Variants in PABPC4 observed in about 807,000 individuals in gnomAD.
PABPC4 encodes the protein poly(A) binding protein cytoplasmic 4.
In PABPC4, 15 loss-of-function variants were observed where a neutral mutation model predicts 74.5. That is an observed-to-expected ratio of 0.20 (90% CI 0.13 to 0.31). The LOEUF is 0.31. Among genes scored for constraint, PABPC4 ranks in the 10% least tolerant of loss-of-function variants. The probability of loss-of-function intolerance (pLI) is 1.00; values close to 1 mark genes in which losing one functional copy is unlikely to be tolerated. For synonymous variants in PABPC4, 345 were observed against 303.0 expected (o/e 1.14, Z -1.44); for missense variants, 610 against 853.5 (o/e 0.71, Z 3.55).
intron 7 of PABPC4, among the ~76,000 whole-genome samples, chr1:39,567,043 G>C (rs1226803271): frequency 6.6e-6 from 1 of 152,072 alleles, no homozygotes; most frequent in Non-Finnish European, 1.5e-5. Context: ...CACCTGTTTA[G>C]CAAGACCGGC....
In PABPC4 at chr1:39,572,558, A is replaced by G. The variant is rs1645955794; in HGVS notation, c.222T>C (p.Phe74=). 1.2e-6 allele frequency: 2 copies of G among 1,614,154 alleles called. No individual in the cohort carries two copies. Among genetic ancestry groups the G allele is most frequent in the Middle Eastern group, 1.6e-4 (1 of 6,062 alleles). The change falls in exon 2 of 16, where the codon TTT becomes TTC. Residue 74 remains phenylalanine (F), a synonymous_variant. Transcript: ENST00000372858. ...GGATTGGCTTTCCCTTAATCACATC[A>G]AAGTTCATGGTGTCCAAAGCCCGCT... The part of the protein sequence containing the change: ...DAERALDTMN[F]DVIKGKPIRI...
intron 7 of PABPC4, 118 bp downstream of exon 7, chr1:39,567,633 C>T (rs1399334780): frequency 2.7e-5 from 19 of 709,824 alleles, no homozygotes; most frequent in Middle Eastern, 5.3e-4. Flanking sequence ...GCTAGAAAAA[C>T]GTAGTAGCTA....
Position 39,569,683 on chromosome 1 carries a change from G to T in PABPC4, c.650C>A (p.Thr217Asn). 2 of 1,612,968 alleles carry T rather than the reference G, an allele frequency of 1.2e-6. No individual in the cohort carries two copies. The highest frequency in any genetic ancestry group is 1.7e-6 in the Non-Finnish European group (2 of 1,178,984). The change falls in exon 5 of 16, where the codon ACC (threonine) becomes AAC (asparagine). Residue 217 changes from threonine to asparagine, a missense_variant. This residue lies in a region of PABPC4 where 304 missense variants were observed against 478.9 expected (regional missense o/e 0.63). Transcript: ENST00000372858. ...ATCTCTCATCACCTTGACACTTAGG[G>T]TCTTACCTATTACCAAAGGACAGAA... ...LKELFSQFGK[T>N]LSVKVMRDPN...
intron 1 of PABPC4, among the ~76,000 whole-genome samples, chr1:39,575,558 C>A (rs978365759): frequency 6.6e-6 from 1 of 152,194 alleles, no homozygotes; most frequent in Admixed American, 6.5e-5. Context: ...CAAGGTCACC[C>A]AGTTAGCAAG....
chr1:39,567,565 A>C (rs1226799742), intron 7 of PABPC4, 186 bp downstream of exon 7: 4 of 694,868 alleles, frequency 5.8e-6, no homozygotes, highest in East Asian at 5.6e-5. Context: ...AGTGCTTGGG[A>C]AACAGTGTAA....
At chr1:39,561,318 T>A (rs539542391) in intron 15 of PABPC4, 196 bp from the exon 16 acceptor site, 11 of 342,230 alleles carry the variant, frequency 3.2e-5, no homozygotes, top group South Asian at 2.6e-4. Context: ...TACCACTAGA[T>A]GACAAGGCTC....
In PABPC4 at chr1:39,560,922, A is replaced by G. The variant is rs963513705; in HGVS notation, c.*214T>C. On this transcript the variant is annotated 3_prime_UTR_variant, in exon 16 of 16. Transcript: ENST00000372858. ...AAAACCCACAATAAAAAAAAAGTTA[A>G]CACTGTCTGGGCCACAGCAGAACCC... The G allele has an allele frequency of 9.3e-6, 2 of 214,026 alleles. No homozygotes were observed. Among genetic ancestry groups the G allele is most frequent in the African/African-American group, 2.3e-5 (1 of 44,282 alleles). The allele number at this position is 214,026 out of a possible 1,614,324, so 13.3% of individuals were successfully genotyped here. A position where few individuals can be genotyped will look rare whatever the true frequency, so the allele number is the denominator to read the frequency against.
chr1:39,572,708 T>C (rs756862324), intron 1 of PABPC4, 122 bp from the exon 2 acceptor site: 116 of 681,312 alleles, frequency 1.7e-4, no homozygotes, highest in Non-Finnish European at 1.5e-4. Context: ...GGCAACTCTA[T>C]TAAAATAAAA....
At chr1:39,566,826 G>A (rs149825133) in intron 7 of PABPC4, among the ~76,000 whole-genome samples, 1 of 152,142 alleles carries the variant, frequency 6.6e-6, no homozygotes, top group Non-Finnish European at 1.5e-5. Context: ...CCAGTCAAGG[G>A]GGGGGTCATA....
At chr1:39,575,636 C>T in intron 1 of PABPC4, 123 bp downstream of exon 1, 1 of 730,074 alleles carries the variant, frequency 1.4e-6, no homozygotes. Flanking sequence ...CCGCACCCTG[C>T]TCCCAGCTTC....
chr1:39,562,272 T>G (rs759033907), intron 13 of PABPC4, 51 bp downstream of exon 13: 4 of 1,610,696 alleles, frequency 2.5e-6, no homozygotes, highest in Non-Finnish European at 2.5e-6. Context: ...GTGTCCTAGC[T>G]GGCATCAGGC....
chr1:39,564,047 C>T (rs897363723), intron 10 of PABPC4, 125 bp from the exon 11 acceptor site: 13 of 764,480 alleles, frequency 1.7e-5, no homozygotes, highest in African/African-American at 5.2e-5. Context: ...CTACTACTTT[C>T]GAGGATGAGC....
chr1:39,576,028 C>G lies in PABPC4; in HGVS notation c.-77G>C. The G allele has an allele frequency of 2.0e-6, 2 of 1,009,982 alleles. No homozygotes were observed. Among genetic ancestry groups the G allele is most frequent in the South Asian group, 3.9e-5 (2 of 51,292 alleles). The allele number at this position is 1,009,982 out of a possible 1,614,324, so 62.6% of individuals were successfully genotyped here. A position where few individuals can be genotyped will look rare whatever the true frequency, so the allele number is the denominator to read the frequency against. ...CCGCCGCAGGACAAAGGGGCGCCTT[C>G]GGAGCCCGGGCCCGCGCCGCGGCTC... On this transcript the variant is annotated 5_prime_UTR_variant, in exon 1 of 16. Coordinates refer to ENST00000372858, the MANE Select transcript of PABPC4 (RefSeq NM_001135653.2).
intron 5 of PABPC4, 183 bp downstream of exon 5, chr1:39,569,412 C>T (rs1645902709): frequency 1.7e-6 from 1 of 604,732 alleles, no homozygotes; most frequent in South Asian, 2.0e-5. Context: ...GTGCCAAGTG[C>T]TTTGTAAACA....
chr1:39,561,215 A>T (rs1347654127), intron 15 of PABPC4, 93 bp from the exon 16 acceptor site: 2 of 453,344 alleles, frequency 4.4e-6, no homozygotes, highest in African/African-American at 2.0e-5. Context: ...TCTAGAAGAG[A>T]GTTTCTCAAC....
At position 39,562,079 on chromosome 1, in the gene PABPC4, G is replaced by A. The variant is rs762402081; in HGVS notation, c.1887C>T (p.Arg629=). The change falls in exon 14 of 16, where the codon CGC becomes CGT. Residue 629 remains arginine (R), a synonymous_variant. Coordinates refer to ENST00000372858, the MANE Select transcript of PABPC4 (RefSeq NM_001135653.2). ...LHMLESPESL[R]SKVDEAVAVL... is the part of the protein sequence containing the mutation. ...GGTCTGAGCCCCAGCTCACCTTGGAGCGGAGAGACTCGGGGGACTCTAACA... is the reference window on the plus strand; with the variant it reads ...GGTCTGAGCCCCAGCTCACCTTGGAACGGAGAGACTCGGGGGACTCTAACA... 2.5e-6 allele frequency: 4 copies of A among 1,612,806 alleles called. No individual in the cohort carries two copies. Among genetic ancestry groups the A allele is most frequent in the Non-Finnish European group, 2.5e-6 (3 of 1,179,938 alleles).
In PABPC4 at chr1:39,565,331, G is replaced by A; in HGVS notation, c.1020C>T (p.Phe340=). ...GRSKGFGFVC[F]SSPEEATKAV... Reference sequence around the variant, plus strand: ...CTTTGGTTGCTTCTTCAGGAGATGAGAAGCAGACGAAGCCAAACCCTTTGC... The same window carrying A: ...CTTTGGTTGCTTCTTCAGGAGATGAAAAGCAGACGAAGCCAAACCCTTTGC... Residue 340 remains phenylalanine, a synonymous_variant, in exon 8 of 16, where the codon TTC becomes TTT. Coordinates refer to ENST00000372858, the MANE Select transcript of PABPC4 (RefSeq NM_001135653.2). The A allele has an allele frequency of 6.2e-7, 1 of 1,613,906 alleles. No individual in the cohort carries two copies. The highest frequency in any genetic ancestry group is 2.2e-5 in the East Asian group (1 of 44,890).
intron 9 of PABPC4, 54 bp downstream of exon 9, chr1:39,564,632 G>A (rs761672873): frequency 1.9e-5 from 30 of 1,607,990 alleles, no homozygotes; most frequent in Non-Finnish European, 2.5e-5. Context: ...GAAAGGCAGG[G>A]GAGACCAGGA....
intron 10 of PABPC4, 124 bp from the exon 11 acceptor site, chr1:39,564,046 T>C: frequency 1.3e-6 from 1 of 789,482 alleles, no homozygotes; most frequent in Non-Finnish European, 2.1e-6. Flanking sequence ...ACTACTACTT[T>C]CGAGGATGAG....
Sources: gnomAD v4.1 joint callset for allele counts (sites outside exome capture counted in the v4.1 genomes callset) on GRCh38, gnomAD v4.1.1 for gene constraint, gnomAD v4.1.1 regional missense constraint, MANE v1.5 for transcripts, NCBI Gene and HGNC (gene_info 2026-07-23, HGNC 2026-07-21) for gene names.